Variants in TF observed in about 807,000 individuals in gnomAD.
The protein encoded by TF is transferrin, also known as serotransferrin.
Under a neutral mutation model 82.4 loss-of-function variants are expected in TF, and 55 were observed. The ratio of observed to expected loss-of-function variants is 0.67; its 90% CI spans 0.54 to 0.84. The LOEUF (loss-of-function observed/expected upper bound fraction) is 0.84. Ranked by LOEUF, TF falls within the 40% of genes least tolerant of loss-of-function variation. The pLI is 0.00. For missense variants in TF, 737 were observed against 868.4 expected, an observed-to-expected ratio of 0.85 and a Z score of 1.90; for synonymous variants, 332 against 332.6, an observed-to-expected ratio of 1.00 and a Z score of 0.02.
rs1282220166 is a variant in TF, at chr3:133,779,145, T to A, written c.*525T>A. The A allele has an allele frequency of 6.4e-6, 1 of 155,504 alleles. No individual in the cohort carries two copies. The highest frequency in any genetic ancestry group is 1.9e-4 in the East Asian group (1 of 5,280). 9.6% of individuals were successfully genotyped at this position (155,504 alleles called of 1,614,324 possible). On this transcript the variant is annotated 3_prime_UTR_variant, in exon 17 of 17. Transcript: ENST00000402696. ...CAGAAGACTTACCTTTATTTGGTAT[T>A]TTAAATGAATTCCATCAGGCTGAGG...
At chr3:133,711,050 A>C in the TF span, among the ~76,000 whole-genome samples, 2 of 152,188 alleles carry the variant, frequency 1.3e-5, no homozygotes, top group African/African-American at 4.8e-5. Context: ...CCCTAAAATA[A>C]TATCTCCTGG....
Position 133,756,681 on chromosome 3 carries a change from G to A in TF, c.692-150G>A, listed in dbSNP as rs1467222471. ...AGCCTTTACCTGGCTGTGGGCTCTT[G>A]AGCGAGTCATTCTCCCGCATGTTCT... On this transcript the variant is annotated intron_variant, in intron 6 of 16. Transcript: ENST00000402696. 8 of 975,462 alleles carry A rather than the reference G, an allele frequency of 8.2e-6. No homozygotes were observed. The South Asian group carries it at 8.7e-5, about 11-fold the overall frequency. The allele number at this position is 975,462 out of a possible 1,614,324, so 60.4% of individuals were successfully genotyped here. A position where few individuals can be genotyped will look rare whatever the true frequency, so the allele number is the denominator to read the frequency against.
the TF span, chr3:133,699,907 C>T: frequency 5.2e-6 from 1 of 192,340 alleles, no homozygotes; most frequent in South Asian, 1.0e-4. Context: ...CTAAACAGGT[C>T]CTCAGGATGA....
rs1934782590 is a variant in TF, at chr3:133,789,819, G to A, written c.*11199G>A. On this transcript the variant is annotated 3_prime_UTR_variant, in exon 17 of 17. Transcript: ENST00000402696. ...TCTGCTAGATATTTTGAGGTGTTAG[G>A]GTTTGGCATAGAAGGTTATAAAACT... 1 of 149,654 alleles carries A rather than the reference G, an allele frequency of 6.7e-6. No homozygotes were observed. The highest frequency in any genetic ancestry group is 1.5e-5 in the Non-Finnish European group (1 of 67,806). 9.3% of individuals were successfully genotyped at this position (149,654 alleles called of 1,614,324 possible).
intron 1 of TF, 33 bp from the exon 2 acceptor site, chr3:133,748,379 T>G (rs1933564846): frequency 6.2e-7 from 1 of 1,613,036 alleles, no homozygotes; most frequent in Non-Finnish European, 8.5e-7. Context: ...GCATAGGGAG[T>G]GGGCCCTTCC....
chr3:133,689,827 A>G, the TF span, among the ~76,000 whole-genome samples: 5 of 152,254 alleles, frequency 3.3e-5, no homozygotes, highest in Non-Finnish European at 7.3e-5. Flanking sequence ...TAATAAATTT[A>G]GGTAAGATAC....
At chr3:133,749,271 A>T (rs180953494) in intron 2 of TF, among the ~76,000 whole-genome samples, 45 of 152,318 alleles carry the variant, frequency 3.0e-4, no homozygotes, top group Middle Eastern at 3.4e-3. Flanking sequence ...GGGGAAGAGT[A>T]AAGTGTCCTG....
chr3:133,728,099 T>A, the TF span, among the ~76,000 whole-genome samples: 2 of 152,358 alleles, frequency 1.3e-5, no homozygotes, highest in South Asian at 2.1e-4. Context: ...TTTTCCTTCA[T>A]TTCAACTTTG....
rs746979074 is a variant in TF at position 133,781,327 on chromosome 3, AAATAAT to A, written c.*2719_*2724del. On this transcript the variant is annotated 3_prime_UTR_variant, in exon 17 of 17. Transcript: ENST00000402696. Reference sequence around the variant, plus strand: ...GCAAAACTCTGTCTCAAAATAATAAAAATAATAATAATAATAAATAAAGTGGTAAAA... The same window carrying A: ...GCAAAACTCTGTCTCAAAATAATAAAAATAATAATAAATAAAGTGGTAAAA... 3 of 152,002 alleles carry A rather than the reference AAATAAT, an allele frequency of 2.0e-5. No homozygotes were observed. The highest frequency in any genetic ancestry group is 7.2e-5 in the African/African-American group (3 of 41,424). The allele number at this position is 152,002 out of a possible 1,614,324, so 9.4% of individuals were successfully genotyped here. A position where few individuals can be genotyped will look rare whatever the true frequency, so the allele number is the denominator to read the frequency against.
At chr3:133,725,586 A>G in the TF span, among the ~76,000 whole-genome samples, 2 of 152,034 alleles carry the variant, frequency 1.3e-5, no homozygotes, top group Non-Finnish European at 2.9e-5. Context: ...TAGATATACA[A>G]TCATGTCATC....
intron 3 of TF, 29 bp downstream of exon 3, chr3:133,753,732 A>T (rs1355165627): frequency 2.6e-6 from 4 of 1,566,058 alleles, no homozygotes; most frequent in Non-Finnish European, 3.5e-6. Flanking sequence ...CCCAGGAAGG[A>T]GTTGTCATCC....
intron 12 of TF, 113 bp downstream of exon 12, chr3:133,766,546 A>T: frequency 6.9e-7 from 1 of 1,447,672 alleles, no homozygotes; most frequent in Admixed American, 1.8e-5. Flanking sequence ...CTAGAGAAGT[A>T]GAATTTGGTC....
Position 133,786,194 on chromosome 3 carries a change from C to A in TF, c.*7574C>A, listed in dbSNP as rs1934676384. On this transcript the variant is annotated 3_prime_UTR_variant, in exon 17 of 17. Coordinates refer to ENST00000402696, the MANE Select transcript of TF (RefSeq NM_001063.4). ...GCCAAATCCCCCTCTGTGAGAAACA[C>A]CCAAGAATTATCAATAAAAAAATAA... is the stretch of plus-strand genomic sequence containing the variant. 2.5e-5 allele frequency: 1 copy of A among 40,254 alleles called. No homozygotes were observed. The highest frequency in any genetic ancestry group is 7.8e-5 in the African/African-American group (1 of 12,872). 2.5% of individuals were successfully genotyped at this position (40,254 alleles called of 1,614,324 possible).
At chr3:133,697,025 C>T in the TF span, among the ~76,000 whole-genome samples, 2 of 152,164 alleles carry the variant, frequency 1.3e-5, no homozygotes, top group Non-Finnish European at 2.9e-5. Context: ...TTTAGATCAT[C>T]GCTTTTTACA....
chr3:133,695,409 A>G, the TF span, among the ~76,000 whole-genome samples: 1 of 152,146 alleles, frequency 6.6e-6, no homozygotes, highest in Non-Finnish European at 1.5e-5. Context: ...CACTACACCC[A>G]GCTAATTTTT....
At chr3:133,673,110 C>T in the TF span, among the ~76,000 whole-genome samples, 1 of 152,296 alleles carries the variant, frequency 6.6e-6, no homozygotes, top group African/African-American at 2.4e-5. Flanking sequence ...ACTATTAAAG[C>T]TGAACGTACA....
chr3:133,703,936 T>C, the TF span, among the ~76,000 whole-genome samples: 1 of 152,110 alleles, frequency 6.6e-6, no homozygotes, highest in Non-Finnish European at 1.5e-5. Flanking sequence ...TGAGTGACTA[T>C]AGCCACAAAG....
the TF span, among the ~76,000 whole-genome samples, chr3:133,703,785 A>G: frequency 6.6e-6 from 1 of 152,232 alleles, no homozygotes; most frequent in South Asian, 2.1e-4. Context: ...TTATTTATTG[A>G]AAATCTTTGT....
chr3:133,778,727 T>C lies in TF; in HGVS notation c.*107T>C. Reference sequence around the variant, plus strand: ...GTGGTTTGTGCTAACCACGTCTGTCTTCACAGCTCTGTGTTGCCATGTGTG... The same window carrying C: ...GTGGTTTGTGCTAACCACGTCTGTCCTCACAGCTCTGTGTTGCCATGTGTG... On this transcript the variant is annotated 3_prime_UTR_variant, in exon 17 of 17. Coordinates refer to ENST00000402696, the MANE Select transcript of TF (RefSeq NM_001063.4). 1 of 1,149,902 alleles carries C rather than the reference T, an allele frequency of 8.7e-7. No individual in the cohort carries two copies. Among genetic ancestry groups the C allele is most frequent in the Non-Finnish European group, 1.3e-6 (1 of 774,054 alleles). The allele number at this position is 1,149,902 out of a possible 1,614,324, so 71.2% of individuals were successfully genotyped here. A position where few individuals can be genotyped will look rare whatever the true frequency, so the allele number is the denominator to read the frequency against.
Sources: allele counts gnomAD v4.1 joint callset (sites outside exome capture counted in the v4.1 genomes callset), GRCh38; gene constraint gnomAD v4.1.1; transcripts MANE v1.5; gene names NCBI Gene and HGNC (gene_info 2026-07-23, HGNC 2026-07-21).